Variants in TASP1 observed in about 807,000 individuals in gnomAD.
The protein encoded by TASP1 is threonine aspartase 1.
Under a neutral mutation model 56.6 loss-of-function variants are expected in TASP1, and 16 were observed. The observed-to-expected ratio is 0.28, with a 90% confidence interval of 0.19 to 0.43. The LOEUF (loss-of-function observed/expected upper bound fraction) is 0.43. TASP1 is among the 20% of genes least tolerant of loss of function. TASP1 has a pLI of 1.00. For synonymous variants in TASP1, 179 were observed against 184.2 expected (o/e 0.97, Z 0.23); for missense variants, 393 against 511.6 (o/e 0.77, Z 2.24).
chr20:13,442,578 G>A (rs1249496623), intron 11 of TASP1, among the ~76,000 whole-genome samples: 2 of 151,944 alleles, frequency 1.3e-5, no homozygotes, highest in Admixed American at 1.3e-4. Context: ...GGAGGTGGAG[G>A]TTGCAGTGAG....
At chr20:13,266,048 G>A in the TASP1 span, among the ~76,000 whole-genome samples, 5 of 152,234 alleles carry the variant, frequency 3.3e-5, no homozygotes, top group South Asian at 2.1e-4. Context: ...TGGCAAAACC[G>A]AATCTGAAAA....
chr20:13,163,090 G>A, the TASP1 span, among the ~76,000 whole-genome samples: 1 of 152,138 alleles, frequency 6.6e-6, no homozygotes, highest in Admixed American at 6.5e-5. Flanking sequence ...AATAGAGGTC[G>A]GGCGCAGTGG....
At chr20:13,528,219 CAAAAAAAAAAA>C (rs397942980) in intron 10 of TASP1, among the ~76,000 whole-genome samples, 16 of 54,316 alleles carry the variant, frequency 2.9e-4, no homozygotes, top group African/African-American at 6.0e-4. Flanking sequence ...GACTCTGACT[CAAAAAAAAAAA>C]AAAAAAAAAA....
At chr20:13,535,560 A>C (rs2045386307) in intron 8 of TASP1, among the ~76,000 whole-genome samples, 1 of 152,220 alleles carries the variant, frequency 6.6e-6, no homozygotes, top group Non-Finnish European at 1.5e-5. Context: ...CAATGGATCC[A>C]CATGGTCATA....
the TASP1 span, among the ~76,000 whole-genome samples, chr20:13,264,168 C>T: frequency 0.26 from 38,813 of 152,086 alleles, 5,277 homozygotes; most frequent in African/African-American, 0.35. Flanking sequence ...AGACTGAAGA[C>T]AGGGCCTGTT....
chr20:13,465,515 A>T (rs563124410), intron 11 of TASP1, among the ~76,000 whole-genome samples: 50 of 152,060 alleles, frequency 3.3e-4, no homozygotes, highest in Non-Finnish European at 6.8e-4. Context: ...ACTAGCACTC[A>T]CAGTAATTAA....
chr20:13,447,849 A>G (rs1350595515), intron 11 of TASP1, among the ~76,000 whole-genome samples: 1 of 152,152 alleles, frequency 6.6e-6, no homozygotes, highest in Non-Finnish European at 1.5e-5. Flanking sequence ...CTAATTTGCT[A>G]TACTCTTTAC....
the TASP1 span, among the ~76,000 whole-genome samples, chr20:13,379,766 G>A: frequency 2.0e-5 from 3 of 152,074 alleles, no homozygotes; most frequent in African/African-American, 7.2e-5. Flanking sequence ...TGGAGGCTTT[G>A]TTTGTTCCTT....
At chr20:13,180,037 T>TGTAG in the TASP1 span, among the ~76,000 whole-genome samples, 5 of 152,278 alleles carry the variant, frequency 3.3e-5, no homozygotes, top group East Asian at 9.7e-4. Context: ...TCATCCAGAC[T>TGTAG]GTAGGTTGGC....
the TASP1 span, among the ~76,000 whole-genome samples, chr20:13,348,079 G>A: frequency 2.0e-5 from 3 of 152,094 alleles, no homozygotes; most frequent in African/African-American, 4.8e-5. Flanking sequence ...TGAGGAGGGT[G>A]TTGTTACCAG....
chr20:13,105,853 ATAT>A, the TASP1 span, among the ~76,000 whole-genome samples: 2 of 152,290 alleles, frequency 1.3e-5, no homozygotes, highest in African/African-American at 4.8e-5. Flanking sequence ...ATAGTATAAA[ATAT>A]TATAGACATA....
the TASP1 span, among the ~76,000 whole-genome samples, chr20:13,112,875 C>A: frequency 6.6e-6 from 1 of 152,152 alleles, no homozygotes; most frequent in South Asian, 2.1e-4. Context: ...TTCTAATTTG[C>A]AACTATCACC....
chr20:13,621,446 A>G (rs192394976), intron 4 of TASP1, among the ~76,000 whole-genome samples: 1 of 152,104 alleles, frequency 6.6e-6, no homozygotes, highest in Non-Finnish European at 1.5e-5. Flanking sequence ...TATATATATA[A>G]AAAATAAAAT....
intron 4 of TASP1, among the ~76,000 whole-genome samples, chr20:13,620,995 A>G (rs1401830659): frequency 1.3e-5 from 2 of 152,228 alleles, no homozygotes. Context: ...TTTCCAACAT[A>G]CTTCTTAAGA....
intron 10 of TASP1, among the ~76,000 whole-genome samples, chr20:13,500,605 CA>C (rs2043911323): frequency 6.6e-6 from 1 of 151,576 alleles, no homozygotes; most frequent in South Asian, 2.1e-4. Flanking sequence ...AAGAAATACA[CA>C]AAATGAAAAA....
At chr20:13,629,089 G>C (rs914777667) in intron 2 of TASP1, among the ~76,000 whole-genome samples, 3 of 152,156 alleles carry the variant, frequency 2.0e-5, no homozygotes, top group Non-Finnish European at 2.9e-5. Flanking sequence ...GGGTGGGCCG[G>C]GTGTGGTGGC....
the TASP1 span, chr20:13,279,978 C>T: frequency 7.3e-7 from 1 of 1,368,304 alleles, no homozygotes; most frequent in Non-Finnish European, 1.0e-6. Context: ...CCAAGCAAAA[C>T]CCTGCTTAGA....
At chr20:13,560,221 T>C (rs1386783241) in intron 7 of TASP1, among the ~76,000 whole-genome samples, 3 of 152,208 alleles carry the variant, frequency 2.0e-5, no homozygotes, top group Admixed American at 2.0e-4. Context: ...CAGACTAAGT[T>C]ATTCAGAGTA....
chr20:13,396,602 C>CAA (rs71334120), intron 13 of TASP1, among the ~76,000 whole-genome samples: 8 of 151,562 alleles, frequency 5.3e-5, no homozygotes, highest in South Asian at 2.1e-4. Flanking sequence ...GTTAATGAAT[C>CAA]AAAAAAAAGT....
Sources: allele counts gnomAD v4.1 joint callset (sites outside exome capture counted in the v4.1 genomes callset), GRCh38; gene constraint gnomAD v4.1.1; transcripts MANE v1.5; gene names NCBI Gene and HGNC (gene_info 2026-07-23, HGNC 2026-07-21).